The following NBN variants were observed in gnomAD, a reference collection of about 807,000 sequenced individuals.
NBN encodes the protein nibrin, also known as Nijmegen breakage syndrome 1 (nibrin).
A neutral mutation model predicts 90.8 loss-of-function variants in NBN; 88 were observed. The ratio of observed to expected loss-of-function variants is 0.97; its 90% CI spans 0.82 to 1.16. The LOEUF is 1.16. Ranked by LOEUF, NBN falls within the 50% of genes most tolerant of loss-of-function variation. The pLI is 0.00. For missense variants in NBN, 894 were observed against 869.6 expected, an observed-to-expected ratio of 1.03 and a Z score of -0.35; for synonymous variants, 328 against 295.1, an observed-to-expected ratio of 1.11 and a Z score of -1.14.
At chr8:89,942,905 A>G (rs966067450) in intron 14 of NBN, among the ~76,000 whole-genome samples, 8 of 152,190 alleles carry the variant, frequency 5.3e-5, no homozygotes, top group African/African-American at 1.7e-4. Context: ...AGATTTAAAA[A>G]GGCCAGTCCC....
intron 7 of NBN, among the ~76,000 whole-genome samples, chr8:89,968,413 T>TC (rs1811351375): frequency 6.6e-6 from 1 of 152,110 alleles, no homozygotes; most frequent in Admixed American, 6.6e-5. Context: ...GACTCCAGAA[T>TC]CCAACTGCCT....
chr8:89,982,030 A>G (rs1009039327), intron 2 of NBN: 5 of 973,066 alleles, frequency 5.1e-6, no homozygotes, highest in Non-Finnish European at 5.6e-6. Context: ...AAACCTAAAT[A>G]AAACTGAAGA....
In NBN at chr8:89,934,182, G is replaced by A. The variant is rs532490798; in HGVS notation, c.*1400C>T. Reference sequence around the variant, plus strand: ...CTTCACTTGGTAATTATGATACATGGCTATTAAGAGACTCAAATGACTCCA... The same window carrying A: ...CTTCACTTGGTAATTATGATACATGACTATTAAGAGACTCAAATGACTCCA... On this transcript the variant is annotated 3_prime_UTR_variant, in exon 16 of 16. Transcript: ENST00000265433. The A allele has an allele frequency of 4.3e-6, 1 of 231,212 alleles. No individual in the cohort carries two copies. The highest frequency in any genetic ancestry group is 8.6e-6 in the Non-Finnish European group (1 of 116,892). 14.3% of individuals were successfully genotyped at this position (231,212 alleles called of 1,614,324 possible).
At chr8:89,961,244 G>C (rs1810979331) in intron 8 of NBN, among the ~76,000 whole-genome samples, 1 of 152,146 alleles carries the variant, frequency 6.6e-6, no homozygotes, top group East Asian at 1.9e-4. Flanking sequence ...ATATTTTGTT[G>C]CTCCACACTG....
chr8:89,949,847 C>T (rs1035264717), intron 11 of NBN, among the ~76,000 whole-genome samples: 8 of 152,102 alleles, frequency 5.3e-5, no homozygotes, highest in Non-Finnish European at 1.2e-4. Flanking sequence ...CTGACAGTCA[C>T]TTCTGTAGCT....
At chr8:89,971,672 A>G (rs1484840654) in intron 5 of NBN, among the ~76,000 whole-genome samples, 1 of 152,232 alleles carries the variant, frequency 6.6e-6, no homozygotes, top group African/African-American at 2.4e-5. Context: ...TTAGGAGCCA[A>G]TATCTATTAA....
In NBN at chr8:89,970,445, T is replaced by C. The variant is rs730881847; in HGVS notation, c.815A>G (p.Asp272Gly). Residue 272 changes from aspartate (D) to glycine (G), a missense_variant, in exon 7 of 16, where the codon GAT becomes GGT. Transcript: ENST00000265433. ...FFLAPGTCVV[D>G]TGITNSQTLI... is the part of the protein sequence containing the mutation. ...GGTCTGTGAGTTTGTTATTCCTGTA[T>C]CAACAACACACGTTCCCGGAGCCAA... is the stretch of plus-strand genomic sequence containing the variant. The C allele has an allele frequency of 1.2e-6, 2 of 1,613,950 alleles. No homozygotes were observed. The highest frequency in any genetic ancestry group is 1.3e-5 in the African/African-American group (1 of 74,922).
intron 11 of NBN, among the ~76,000 whole-genome samples, chr8:89,952,578 G>A (rs753121653): frequency 1.1e-4 from 16 of 152,022 alleles, no homozygotes; most frequent in South Asian, 2.1e-4. Flanking sequence ...CTATCCTTTC[G>A]CCTATTCCTG....
intron 9 of NBN, among the ~76,000 whole-genome samples, chr8:89,957,576 A>G (rs1252813929): frequency 2.6e-5 from 4 of 152,186 alleles, no homozygotes; most frequent in Admixed American, 1.3e-4. Context: ...ACATTCACTT[A>G]CCACTCACTC....
intron 12 of NBN, chr8:89,946,721 AC>A (rs1055536470): frequency 2.3e-5 from 4 of 170,468 alleles, no homozygotes; most frequent in African/African-American, 9.6e-5. Flanking sequence ...CTTTTCTTAA[AC>A]TTTTGGGATT....
Position 89,942,127 on chromosome 8 carries a change from A to G in NBN, c.2184+1126T>C, listed in dbSNP as rs72561476. 2.1e-3 allele frequency among the ~76,000 whole-genome samples: 322 copies of G among 152,286 alleles called. 2 individuals are homozygous for G. The highest frequency in any genetic ancestry group is 7.0e-3 in the African/African-American group (289 of 41,582). Reference sequence around the variant, plus strand: ...TGACTTTAATAAAAGACCCAGCACTAAAAGAAGAAAGAGAAATAAACCTTA... The same window carrying G: ...TGACTTTAATAAAAGACCCAGCACTGAAAGAAGAAAGAGAAATAAACCTTA... On this transcript the variant is annotated intron_variant, in intron 14 of 15. Transcript: ENST00000265433.
chr8:89,959,430 T>C (rs1810886773), intron 8 of NBN, among the ~76,000 whole-genome samples: 1 of 152,288 alleles, frequency 6.6e-6, no homozygotes, highest in South Asian at 2.1e-4. Context: ...TCTCCAATTC[T>C]CCTTCCATAC....
At chr8:89,968,262 C>A (rs1243841553) in intron 7 of NBN, among the ~76,000 whole-genome samples, 2 of 152,062 alleles carry the variant, frequency 1.3e-5, no homozygotes, top group African/African-American at 4.8e-5. Flanking sequence ...AACATCCCCC[C>A]ACCAAAAACC....
Position 89,953,174 on chromosome 8 carries a change from C to T in NBN, c.1845+70G>A. 4 of 1,158,322 alleles carry T rather than the reference C, an allele frequency of 3.5e-6. No homozygotes were observed. In the South Asian group the frequency reaches 3.7e-5, roughly 11 times the overall value. 71.8% of individuals were successfully genotyped at this position (1,158,322 alleles called of 1,614,324 possible). ...TTAATGGATGCTCATACTGTCAATA[C>T]AAAATCGAAAGTACCTGTTAGCATT... is the stretch of plus-strand genomic sequence containing the variant. On this transcript the variant is annotated intron_variant, in intron 11 of 15. Transcript: ENST00000265433.
chr8:89,943,740 CCTTT>C (rs1424010671), intron 13 of NBN, among the ~76,000 whole-genome samples: 1 of 151,998 alleles, frequency 6.6e-6, no homozygotes, highest in Admixed American at 6.6e-5. Context: ...AAGCTTAAGC[CCTTT>C]CTAATATTGA....
intron 14 of NBN, among the ~76,000 whole-genome samples, chr8:89,941,167 T>C (rs1809930539): frequency 6.6e-6 from 1 of 152,014 alleles, no homozygotes; most frequent in Non-Finnish European, 1.5e-5. Context: ...TTAAAATATA[T>C]AATAGAAAAA....
At position 89,978,334 on chromosome 8, in the gene NBN, G is replaced by A. The variant is rs2129890419; in HGVS notation, c.481-11C>T. On this transcript the variant is annotated splice_polypyrimidine_tract_variant and intron_variant, in intron 4 of 15. Transcript: ENST00000265433. ...GAGTGCACATATTGTCTACAATGAA[G>A]AAAACATGTGAATATATATATTCAC... is the stretch of plus-strand genomic sequence containing the variant. 2 of 1,578,652 alleles carry A rather than the reference G, an allele frequency of 1.3e-6. No homozygotes were observed. The highest frequency in any genetic ancestry group is 1.7e-6 in the Non-Finnish European group (2 of 1,148,222).
At chr8:89,941,889 T>A (rs916477616) in intron 14 of NBN, among the ~76,000 whole-genome samples, 1 of 152,168 alleles carries the variant, frequency 6.6e-6, no homozygotes, top group African/African-American at 2.4e-5. Flanking sequence ...CTTTCCTAAA[T>A]AACCCTTATT....
At chr8:89,984,494 AT>A (rs1812236998) in intron 1 of NBN, 30 bp downstream of exon 1, 1 of 1,601,772 alleles carries the variant, frequency 6.2e-7, no homozygotes, top group South Asian at 1.1e-5. Flanking sequence ...TACCGGGAAA[AT>A]AGGCCCCGAG....
Sources: gnomAD v4.1 joint callset for allele counts (sites outside exome capture counted in the v4.1 genomes callset) on GRCh38, gnomAD v4.1.1 for gene constraint, MANE v1.5 for transcripts, NCBI Gene and HGNC (gene_info 2026-07-23, HGNC 2026-07-21) for gene names.